PPP2R3A: variants seen among roughly 807,000 people sequenced by gnomAD.
PPP2R3A encodes the protein serine/threonine-protein phosphatase 2A regulatory subunit B'' subunit alpha.
A neutral mutation model predicts 106.9 loss-of-function variants in PPP2R3A; 80 were observed. The observed-to-expected ratio is 0.75, with a 90% CI of 0.62 to 0.90. PPP2R3A has a LOEUF of 0.90. Among genes scored for constraint, PPP2R3A ranks in the 40% least tolerant of loss-of-function variants. PPP2R3A has a pLI of 0.00. For synonymous variants in PPP2R3A, 483 were observed against 468.3 expected, an observed-to-expected ratio of 1.03 and a Z score of -0.41; for missense variants, 1,386 against 1,350.4, an observed-to-expected ratio of 1.03 and a Z score of -0.41.
intron 1 of PPP2R3A, among the ~76,000 whole-genome samples, chr3:136,000,312 G>T (rs895624206): frequency 6.6e-6 from 1 of 152,282 alleles, no homozygotes; most frequent in Middle Eastern, 3.4e-3. Context: ...ACACACAGTA[G>T]GTAGTCAGTA....
At chr3:136,070,628 A>C in intron 6 of PPP2R3A, 76 bp downstream of exon 6, 2 of 1,252,386 alleles carry the variant, frequency 1.6e-6, no homozygotes, top group Non-Finnish European at 2.2e-6. Flanking sequence ...CCAGAATTTC[A>C]AGTATCTATG....
At chr3:136,015,711 C>T (rs1403481099) in intron 2 of PPP2R3A, among the ~76,000 whole-genome samples, 1 of 151,654 alleles carries the variant, frequency 6.6e-6, no homozygotes, top group African/African-American at 2.4e-5. Flanking sequence ...CTCTTCTTTT[C>T]TCGGTTAATC....
intron 13 of PPP2R3A, among the ~76,000 whole-genome samples, chr3:136,111,865 CT>C (rs1440067169): frequency 1.3e-5 from 2 of 152,120 alleles, no homozygotes; most frequent in Non-Finnish European, 2.9e-5. Flanking sequence ...GGCCAATATC[CT>C]TGATGAACAT....
chr3:135,967,588 C>T (rs966171754), intron 1 of PPP2R3A, among the ~76,000 whole-genome samples: 19 of 152,116 alleles, frequency 1.2e-4, no homozygotes, highest in Non-Finnish European at 2.9e-5. Flanking sequence ...CTGTTCAAAT[C>T]ATAACTTTGC....
At chr3:135,970,889 G>A (rs762376865) in intron 1 of PPP2R3A, among the ~76,000 whole-genome samples, 1 of 152,094 alleles carries the variant, frequency 6.6e-6, no homozygotes, top group Non-Finnish European at 1.5e-5. Flanking sequence ...ATTTTGCCAG[G>A]ACTGTTGAAG....
In PPP2R3A at chr3:136,040,877, T is replaced by C. The variant is rs369835739; in HGVS notation, c.2281T>C (p.Tyr761His). 4.3e-6 allele frequency: 7 copies of C among 1,612,900 alleles called. No individual in the cohort carries two copies. Among genetic ancestry groups the C allele is most frequent in the Non-Finnish European group, 5.9e-6 (7 of 1,179,584 alleles). ...TTTGCAGGTCTGTGGCTGTCCTCTCTATTGGAAAGCCCCCATGTTCAGGGC... is the reference window on the plus strand; with the variant it reads ...TTTGCAGGTCTGTGGCTGTCCTCTCCATTGGAAAGCCCCCATGTTCAGGGC... Reference protein sequence around the residue: ...KIAKVCGCPLYWKAPMFRAAG... With the variant: ...KIAKVCGCPLHWKAPMFRAAG... The change falls in exon 4 of 14, where the codon TAT (tyrosine) becomes CAT (histidine). Residue 761 changes from tyrosine (Y) to histidine (H), a missense_variant. Coordinates refer to ENST00000264977, the MANE Select transcript of PPP2R3A (RefSeq NM_002718.5).
chr3:136,124,869 C>G (rs1037493048), intron 13 of PPP2R3A, among the ~76,000 whole-genome samples: 2 of 152,048 alleles, frequency 1.3e-5, no homozygotes, highest in Non-Finnish European at 2.9e-5. Context: ...ATATTATGAA[C>G]AACTTTATCC....
rs56962010 is a variant in PPP2R3A at position 136,010,417 on chromosome 3, A to ATTTTTT, written c.1995+6946_1995+6951dup. ...AGGCGCATGCCATCACGCTCGGCTA[A>ATTTTTT]TTTTTTTTTTTTTTTTTTTTTTTTT... On this transcript the variant is annotated intron_variant, in intron 2 of 13. Coordinates refer to ENST00000264977, the MANE Select transcript of PPP2R3A (RefSeq NM_002718.5). Among the ~76,000 whole-genome samples, 5 of 51,006 alleles carry ATTTTTT rather than the reference A, an allele frequency of 9.8e-5. 1 individual carries two copies. The highest frequency in any genetic ancestry group is 2.9e-4 in the African/African-American group (3 of 10,346). The allele number at this position is 51,006 out of a possible 152,430, so 33.5% of individuals were successfully genotyped here. A position where few individuals can be genotyped will look rare whatever the true frequency, so the allele number is the denominator to read the frequency against.
At chr3:136,140,106 T>C (rs1437762282) in intron 13 of PPP2R3A, among the ~76,000 whole-genome samples, 1 of 151,878 alleles carries the variant, frequency 6.6e-6, no homozygotes, top group African/African-American at 2.4e-5. Flanking sequence ...CTCTGACCCC[T>C]CTGTTCATTC....
chr3:136,027,162 C>T (rs1349900704), intron 3 of PPP2R3A, 64 bp downstream of exon 3: 4 of 1,428,618 alleles, frequency 2.8e-6, no homozygotes, highest in Non-Finnish European at 3.8e-6. Flanking sequence ...CCCTCCCCTT[C>T]TCTAGAAACC....
intron 3 of PPP2R3A, among the ~76,000 whole-genome samples, chr3:136,027,493 C>T (rs1369244015): frequency 6.6e-6 from 1 of 152,118 alleles, no homozygotes; most frequent in Admixed American, 6.5e-5. Context: ...TAGACCATCT[C>T]AATACAGTCA....
chr3:136,130,294 A>G (rs750504637), intron 13 of PPP2R3A, among the ~76,000 whole-genome samples: 1 of 152,214 alleles, frequency 6.6e-6, no homozygotes, highest in Non-Finnish European at 1.5e-5. Context: ...AATCTCCTTA[A>G]GCTGATAAGC....
chr3:136,009,516 T>G (rs968126790), intron 2 of PPP2R3A, among the ~76,000 whole-genome samples: 1 of 152,176 alleles, frequency 6.6e-6, no homozygotes, highest in Non-Finnish European at 1.5e-5. Flanking sequence ...CTTGATCTCC[T>G]CTAATGAGTC....
chr3:136,040,838 G>T (rs371948909), intron 3 of PPP2R3A, 21 bp from the exon 4 acceptor site: 272 of 1,598,218 alleles, frequency 1.7e-4, no homozygotes, highest in Non-Finnish European at 2.2e-4. Flanking sequence ...GGCTTACCCT[G>T]TATGTGTTTT....
At chr3:135,976,490 T>C (rs1007895282) in intron 1 of PPP2R3A, among the ~76,000 whole-genome samples, 6 of 152,242 alleles carry the variant, frequency 3.9e-5, no homozygotes, top group Non-Finnish European at 7.3e-5. Context: ...GTTTAAGCAC[T>C]CATATTGCAT....
chr3:136,082,178 G>A, intron 7 of PPP2R3A, 87 bp from the exon 8 acceptor site: 1 of 1,202,988 alleles, frequency 8.3e-7, no homozygotes, highest in Non-Finnish European at 1.2e-6. Flanking sequence ...TTTAAATTCA[G>A]TTTAAAACAG....
chr3:136,047,287 A>T (rs1935503721), intron 4 of PPP2R3A, among the ~76,000 whole-genome samples: 1 of 152,226 alleles, frequency 6.6e-6, no homozygotes. Flanking sequence ...TAGTTCTATT[A>T]CTGGGTATAT....
At chr3:136,058,675 C>CA (rs1935966439) in intron 5 of PPP2R3A, among the ~76,000 whole-genome samples, 1 of 151,794 alleles carries the variant, frequency 6.6e-6, no homozygotes, top group African/African-American at 2.4e-5. Flanking sequence ...TAATATGGAA[C>CA]GAAAAAAGAG....
intron 10 of PPP2R3A, among the ~76,000 whole-genome samples, chr3:136,092,815 C>T: frequency 6.6e-6 from 1 of 152,192 alleles, no homozygotes; most frequent in Non-Finnish European, 1.5e-5. Flanking sequence ...GCCGGAACAA[C>T]TGGATATCAT....
Sources: gnomAD v4.1 joint callset for allele counts (sites outside exome capture counted in the v4.1 genomes callset) on GRCh38, gnomAD v4.1.1 for gene constraint, MANE v1.5 for transcripts, NCBI Gene and HGNC (gene_info 2026-07-23, HGNC 2026-07-21) for gene names.